The following NRXN1 variants were observed in gnomAD, a reference collection of about 807,000 sequenced individuals.
NRXN1 encodes the protein neurexin 1, also known as neurexin-1.
Under a neutral mutation model 150.9 loss-of-function variants are expected in NRXN1, and 39 were observed. The ratio of observed to expected loss-of-function variants is 0.26; its 90% CI spans 0.20 to 0.34. NRXN1 has a LOEUF of 0.34. Among genes scored for constraint, NRXN1 ranks in the 10% least tolerant of loss-of-function variants. The pLI, the probability that NRXN1 is intolerant of heterozygous loss-of-function variation, is 1.00. For missense variants in NRXN1, 1,815 were observed against 1,949.9 expected (o/e 0.93, Z 1.30); for synonymous variants, 924 against 757.0 (o/e 1.22, Z -3.62).
chr2:50,066,200 C>T (rs17039747), intron 19 of NRXN1, among the ~76,000 whole-genome samples: 5,455 of 152,244 alleles, frequency 0.036, 335 homozygotes, highest in African/African-American at 0.12. Context: ...AATATATAAG[C>T]AGTGCCCATG....
chr2:50,920,424 AAG>A (rs1421396062), intron 5 of NRXN1, among the ~76,000 whole-genome samples: 2 of 151,786 alleles, frequency 1.3e-5, no homozygotes, highest in Admixed American at 6.6e-5. Flanking sequence ...AAATTATTTT[AAG>A]AGTTACTTTT....
intron 18 of NRXN1, among the ~76,000 whole-genome samples, chr2:50,159,936 T>G (rs1010520046): frequency 6.6e-6 from 1 of 152,172 alleles, no homozygotes; most frequent in Non-Finnish European, 1.5e-5. Context: ...GAAAAAACTG[T>G]CCTCTTTATT....
At chr2:49,949,989 GA>G (rs546920523) in intron 21 of NRXN1, among the ~76,000 whole-genome samples, 135 of 147,456 alleles carry the variant, frequency 9.2e-4, no homozygotes, top group Middle Eastern at 3.5e-3. Flanking sequence ...GAGGTTCCTT[GA>G]AAAAAAAAAA....
intron 18 of NRXN1, among the ~76,000 whole-genome samples, chr2:50,143,336 A>G (rs1234456405): frequency 6.6e-6 from 1 of 151,970 alleles, no homozygotes; most frequent in Non-Finnish European, 1.5e-5. Flanking sequence ...GTGCTTAAGT[A>G]CAGAGGGAAC....
At chr2:50,183,449 A>G (rs74477117) in intron 18 of NRXN1, among the ~76,000 whole-genome samples, 1,664 of 151,992 alleles carry the variant, frequency 0.011, 38 homozygotes, top group African/African-American at 0.039. Flanking sequence ...ACCAACCTCT[A>G]TTTGAAAAAG....
At chr2:51,012,591 C>T (rs990627610) in intron 2 of NRXN1, among the ~76,000 whole-genome samples, 1 of 151,982 alleles carries the variant, frequency 6.6e-6, no homozygotes, top group Non-Finnish European at 1.5e-5. Context: ...AGGTTTCAAG[C>T]CCTTTATTTG....
chr2:50,889,882 T>C (rs1190459019), intron 5 of NRXN1, among the ~76,000 whole-genome samples: 1 of 151,816 alleles, frequency 6.6e-6, no homozygotes, highest in African/African-American at 2.4e-5. Flanking sequence ...TTATTCCTTC[T>C]AAAACATTTA....
chr2:50,231,820 C>T (rs1014241319), intron 18 of NRXN1, among the ~76,000 whole-genome samples: 11 of 151,870 alleles, frequency 7.2e-5, no homozygotes, highest in African/African-American at 2.2e-4. Flanking sequence ...GAGCGCTTTT[C>T]TCTAGAAGTG....
At chr2:50,260,491 T>A (rs1472774580) in intron 17 of NRXN1, among the ~76,000 whole-genome samples, 5 of 151,742 alleles carry the variant, frequency 3.3e-5, no homozygotes, top group African/African-American at 1.2e-4. Flanking sequence ...ACCCTGTTGT[T>A]CTATTGGAAT....
chr2:49,955,674 AG>A (rs1674801880), intron 21 of NRXN1, among the ~76,000 whole-genome samples: 1 of 151,818 alleles, frequency 6.6e-6, no homozygotes, highest in South Asian at 2.1e-4. Context: ...CTCTTGCAAT[AG>A]TCTATTGCAT....
intron 5 of NRXN1, among the ~76,000 whole-genome samples, chr2:50,707,637 G>A (rs1278207077): frequency 1.3e-5 from 2 of 152,128 alleles, no homozygotes; most frequent in South Asian, 2.1e-4. Flanking sequence ...ATTATATCCA[G>A]ACTGGACTGC....
chr2:50,457,955 C>T (rs373965727), intron 17 of NRXN1, among the ~76,000 whole-genome samples: 55 of 152,206 alleles, frequency 3.6e-4, no homozygotes, highest in African/African-American at 1.2e-3. Flanking sequence ...ACATAACTAC[C>T]GTATGATCCA....
At chr2:50,266,057 G>C (rs2068826250) in intron 17 of NRXN1, among the ~76,000 whole-genome samples, 1 of 147,116 alleles carries the variant, frequency 6.8e-6, no homozygotes, top group Non-Finnish European at 1.5e-5. Flanking sequence ...GGAGTGCAGT[G>C]GCACGATCTT....
At chr2:50,631,392 G>C (rs1310292913) in intron 5 of NRXN1, 1 of 228,362 alleles carries the variant, frequency 4.4e-6, no homozygotes, top group Non-Finnish European at 8.6e-6. Flanking sequence ...AGGTAAGTTA[G>C]ACTTAGACAT....
intron 8 of NRXN1, among the ~76,000 whole-genome samples, chr2:50,587,959 A>G (rs770474739): frequency 4.7e-4 from 72 of 152,182 alleles, no homozygotes; most frequent in Non-Finnish European, 8.8e-4. Context: ...TATTATGATT[A>G]TTTTAGTAAG....
chr2:50,964,039 T>C (rs1575070366), intron 2 of NRXN1: 1 of 415,478 alleles, frequency 2.4e-6, no homozygotes, highest in East Asian at 7.0e-5. Flanking sequence ...TTGCCTACTA[T>C]GCAGAAGAAT....
rs544094426 is a variant in NRXN1, at chr2:50,828,295, G to T, written c.832+93574C>A. On this transcript the variant is annotated intron_variant, in intron 5 of 22. Coordinates refer to ENST00000401669, the MANE Select transcript of NRXN1 (RefSeq NM_001330078.2). ...GGCTGACCCCCCCCACCTCCCTCCC[G>T]GACGGGGCGGCTGGCCGGGAGGGGG... 1.5e-3 allele frequency among the ~76,000 whole-genome samples: 129 copies of T among 86,234 alleles called. 4 individuals carry two copies. In the East Asian group the frequency reaches 0.049, roughly 33 times the overall value. The allele number at this position is 86,234 out of a possible 152,430, so 56.6% of individuals were successfully genotyped here.
intron 5 of NRXN1, among the ~76,000 whole-genome samples, chr2:50,906,115 C>T (rs1314940314): frequency 6.6e-6 from 1 of 152,100 alleles, no homozygotes; most frequent in African/African-American, 2.4e-5. Context: ...GTTATCCCTA[C>T]TGGCACTCTG....
intron 17 of NRXN1, among the ~76,000 whole-genome samples, chr2:50,400,744 A>T (rs2103932779): frequency 6.6e-6 from 1 of 152,336 alleles, no homozygotes; most frequent in Admixed American, 6.5e-5. Context: ...TGAAACTGAA[A>T]AAAAGTGTGC....
Sources: allele counts gnomAD v4.1 joint callset (sites outside exome capture counted in the v4.1 genomes callset), GRCh38; gene constraint gnomAD v4.1.1; transcripts MANE v1.5; gene names NCBI Gene and HGNC (gene_info 2026-07-23, HGNC 2026-07-21).